The following ABRAXAS2 variants were observed in gnomAD, a reference collection of about 807,000 sequenced individuals.
ABRAXAS2 encodes BRISC complex subunit Abraxas 2.
In ABRAXAS2, 23 loss-of-function variants were observed where a neutral mutation model predicts 49.0. The ratio of observed to expected loss-of-function variants is 0.47; its 90% confidence interval spans 0.34 to 0.66. The LOEUF is 0.66. Ranked by LOEUF, ABRAXAS2 falls within the 30% of genes least tolerant of loss-of-function variation. ABRAXAS2 has a pLI of 0.01. For missense variants in ABRAXAS2, 443 were observed against 511.9 expected, an observed-to-expected ratio of 0.87 and a Z score of 1.30; for synonymous variants, 168 against 180.2, an observed-to-expected ratio of 0.93 and a Z score of 0.54.
chr10:124,834,398 C>A, intron 8 of ABRAXAS2, 104 bp from the exon 9 acceptor site: 2 of 872,366 alleles, frequency 2.3e-6, no homozygotes, highest in Non-Finnish European at 3.5e-6. Flanking sequence ...AGCTTCATTG[C>A]CTCACTGCTA....
At chr10:124,824,976 G>T (rs1950887967) in intron 4 of ABRAXAS2, among the ~76,000 whole-genome samples, 1 of 152,092 alleles carries the variant, frequency 6.6e-6, no homozygotes, top group Non-Finnish European at 1.5e-5. Context: ...TCCACATCTT[G>T]GCTGTCACTC....
chr10:124,809,387 C>T (rs943810434), intron 2 of ABRAXAS2, among the ~76,000 whole-genome samples: 3 of 151,928 alleles, frequency 2.0e-5, no homozygotes, highest in Non-Finnish European at 4.4e-5. Flanking sequence ...CGGGTTCAAG[C>T]GATTCTCCTG....
At chr10:124,823,882 C>T (rs1279540321) in intron 4 of ABRAXAS2, among the ~76,000 whole-genome samples, 1 of 152,178 alleles carries the variant, frequency 6.6e-6, no homozygotes, top group Admixed American at 6.5e-5. Flanking sequence ...GCATCTCATC[C>T]TTCATTGATG....
At chr10:124,821,014 G>GCA in intron 4 of ABRAXAS2, among the ~76,000 whole-genome samples, 1 of 151,346 alleles carries the variant, frequency 6.6e-6, no homozygotes, top group Non-Finnish European at 1.5e-5. Flanking sequence ...CCCAGGCTCA[G>GCA]GTGATCCTCC....
At position 124,820,992 on chromosome 10, in the gene ABRAXAS2, C is replaced by T. The variant is rs534124391; in HGVS notation, c.267+1542C>T. Among the ~76,000 whole-genome samples, 894 of 152,082 alleles carry T rather than the reference C, an allele frequency of 5.9e-3. 4 individuals carry two copies. The highest frequency in any genetic ancestry group is 0.014 in the Middle Eastern group (4 of 292). On this transcript the variant is annotated intron_variant, in intron 4 of 8. Transcript: ENST00000298492. ...GCAGTGGCATGATCATGGCTCACTG[C>T]AGCCTCGACCTCCCAGGCTCAGGTG...
At chr10:124,825,610 CA>C (rs1950891705) in intron 4 of ABRAXAS2, among the ~76,000 whole-genome samples, 1 of 152,142 alleles carries the variant, frequency 6.6e-6, no homozygotes, top group Non-Finnish European at 1.5e-5. Context: ...ATGAAAATGT[CA>C]AAACAATCTC....
Position 124,834,894 on chromosome 10 carries a change from T to C in ABRAXAS2, c.1171T>C (p.Tyr391His). The C allele has an allele frequency of 6.2e-7, 1 of 1,614,106 alleles. No individual in the cohort carries two copies. Among genetic ancestry groups the C allele is most frequent in the Non-Finnish European group, 8.5e-7 (1 of 1,180,018 alleles). ...IDPTEPSNSE[Y>H]SHSKDSRPMA... ...CCCTACAGAGCCTTCTAATAGTGAA[T>C]ACTCACATTCAAAGGATTCTCGACC... Residue 391 changes from tyrosine (Y) to histidine (H), a missense_variant, in exon 9 of 9, where the codon TAC becomes CAC. Transcript: ENST00000298492.
Position 124,834,917 on chromosome 10 carries a change from A to C in ABRAXAS2, c.1194A>C (p.Arg398=). 1 of 1,614,006 alleles carries C rather than the reference A, an allele frequency of 6.2e-7. No individual in the cohort carries two copies. Among genetic ancestry groups the C allele is most frequent in the Non-Finnish European group, 8.5e-7 (1 of 1,179,978 alleles). ...NSEYSHSKDS[R]PMAHPDEDPR... The stretch of plus-strand genomic sequence containing the variant: ...AATACTCACATTCAAAGGATTCTCG[A>C]CCCATGGCACATCCCGACGAGGACC... The change falls in exon 9 of 9, where the codon CGA becomes CGC. Residue 398 remains arginine (R), a synonymous_variant. Transcript: ENST00000298492.
chr10:124,822,073 G>T (rs959024043), intron 4 of ABRAXAS2, among the ~76,000 whole-genome samples: 2 of 152,202 alleles, frequency 1.3e-5, no homozygotes, highest in African/African-American at 4.8e-5. Flanking sequence ...AAACCAAGCC[G>T]TCCAGCCTCA....
intron 2 of ABRAXAS2, among the ~76,000 whole-genome samples, chr10:124,813,508 G>A (rs1362555313): frequency 1.3e-5 from 2 of 152,202 alleles, no homozygotes; most frequent in African/African-American, 4.8e-5. Context: ...GAGGCGATGT[G>A]TACATGAGCA....
At chr10:124,831,842 C>CTTTT (rs71029219) in intron 8 of ABRAXAS2, among the ~76,000 whole-genome samples, 8 of 37,722 alleles carry the variant, frequency 2.1e-4, no homozygotes, top group Non-Finnish European at 2.8e-4. Flanking sequence ...TGTGTCCTGT[C>CTTTT]TTTTTTTTTT....
intron 1 of ABRAXAS2, among the ~76,000 whole-genome samples, chr10:124,805,860 G>A (rs1471242714): frequency 6.6e-6 from 1 of 152,154 alleles, no homozygotes; most frequent in Non-Finnish European, 1.5e-5. Flanking sequence ...GTATAGGAAA[G>A]TTACTTTAGG....
At chr10:124,809,409 C>G (rs1486695471) in intron 2 of ABRAXAS2, among the ~76,000 whole-genome samples, 2 of 151,944 alleles carry the variant, frequency 1.3e-5, no homozygotes, top group African/African-American at 4.8e-5. Flanking sequence ...CTCAGCCTCC[C>G]GAGTAGCTGG....
chr10:124,809,523 T>C, intron 2 of ABRAXAS2, among the ~76,000 whole-genome samples: 1 of 151,752 alleles, frequency 6.6e-6, no homozygotes, highest in East Asian at 2.0e-4. Context: ...TGGCCTCAGG[T>C]GATCCACCCG....
intron 1 of ABRAXAS2, among the ~76,000 whole-genome samples, chr10:124,804,963 C>T (rs941417740): frequency 6.6e-6 from 1 of 151,974 alleles, no homozygotes. Context: ...GTCCACCCAC[C>T]TTGGCCTCCC....
chr10:124,827,162 A>ATTATAGTGCAT (rs1403516785), intron 5 of ABRAXAS2, among the ~76,000 whole-genome samples: 1 of 137,252 alleles, frequency 7.3e-6, no homozygotes, highest in African/African-American at 2.6e-5. Context: ...ATTATAGTGC[A>ATTATAGTGCAT]TTTTTTTTTT....
At chr10:124,821,284 C>T (rs1181168094) in intron 4 of ABRAXAS2, among the ~76,000 whole-genome samples, 2 of 148,392 alleles carry the variant, frequency 1.3e-5, no homozygotes, top group South Asian at 2.4e-4. Flanking sequence ...AAGAAGAAAT[C>T]GGCTGGGTGC....
chr10:124,835,041 T>A lies in ABRAXAS2; in HGVS notation c.*70T>A. The A allele has an allele frequency of 8.2e-7, 1 of 1,220,610 alleles. No homozygotes were observed. Among genetic ancestry groups the A allele is most frequent in the Non-Finnish European group, 1.1e-6 (1 of 874,938 alleles). The allele number at this position is 1,220,610 out of a possible 1,614,324, so 75.6% of individuals were successfully genotyped here. On this transcript the variant is annotated 3_prime_UTR_variant, in exon 9 of 9. Transcript: ENST00000298492. ...CTTACTGAGAGGGTTTTTGAGAACTTAATCTGGGGGGAGAACTGCTTTCTC... is the reference window on the plus strand; with the variant it reads ...CTTACTGAGAGGGTTTTTGAGAACTAAATCTGGGGGGAGAACTGCTTTCTC...
Position 124,818,344 on chromosome 10 carries a change from C to T in ABRAXAS2, c.201-1040C>T, listed in dbSNP as rs151099663. Reference sequence around the variant, plus strand: ...CTGGGAGGTGGAGCTTGGAGAGAGCCGAGATCGCGCCACTGCACTCCAGCC... The same window carrying T: ...CTGGGAGGTGGAGCTTGGAGAGAGCTGAGATCGCGCCACTGCACTCCAGCC... On this transcript the variant is annotated intron_variant, in intron 3 of 8. Transcript: ENST00000298492. 6.4e-3 allele frequency among the ~76,000 whole-genome samples: 957 copies of T among 149,358 alleles called. 17 individuals carry two copies. Among genetic ancestry groups the T allele is most frequent in the African/African-American group, 0.023 (918 of 40,628 alleles).
Sources: allele counts gnomAD v4.1 joint callset (sites outside exome capture counted in the v4.1 genomes callset), GRCh38; gene constraint gnomAD v4.1.1; transcripts MANE v1.5; gene names NCBI Gene and HGNC (gene_info 2026-07-23, HGNC 2026-07-21).